Variants in PABPC3 observed in about 807,000 individuals in gnomAD.
PABPC3 encodes the protein polyadenylate-binding protein 3.
A neutral mutation model predicts 43.0 loss-of-function variants in PABPC3; 43 were observed. That is an observed-to-expected ratio of 1.00 (90% CI 0.78 to 1.29). PABPC3 has a LOEUF of 1.29. Among genes scored for constraint, PABPC3 ranks in the 50% most tolerant of loss-of-function variants. The pLI, the probability that PABPC3 is intolerant of heterozygous loss-of-function variation, is 0.00. For synonymous variants in PABPC3, 221 were observed against 274.6 expected (o/e 0.80, Z 1.93); for missense variants, 784 against 798.1 (o/e 0.98, Z 0.21).
At chr13:25,097,603 C>T in the PABPC3 span, 5 of 1,614,120 alleles carry the variant, frequency 3.1e-6, no homozygotes, top group African/African-American at 4.0e-5. Context: ...ACAGGTTCCA[C>T]GAGTCATGTC....
chr13:25,096,663 T>G lies in PABPC3; in HGVS notation c.465T>G (p.Ile155Met). ...CACACGAAGCAGCTGAAAGAGCTAT[T>G]AAAAAAATGAACGGAATGCTCCTAA... ...FETHEAAERA[I>M]KKMNGMLLNG... The change falls in exon 1 of 1, where the codon ATT becomes ATG. Residue 155 changes from isoleucine to methionine, a missense_variant. By Grantham distance (10) the Ile-to-Met change is conservative. Transcript: ENST00000281589. The G allele has an allele frequency of 6.6e-7, 1 of 1,505,808 alleles. No homozygotes were observed. The highest frequency in any genetic ancestry group is 8.9e-7 in the Non-Finnish European group (1 of 1,124,886). 93.3% of individuals were successfully genotyped at this position (1,505,808 alleles called of 1,614,324 possible). A position where few individuals can be genotyped will look rare whatever the true frequency, so the allele number is the denominator to read the frequency against.
chr13:25,097,960 C>G lies in PABPC3; in HGVS notation c.1762C>G (p.Leu588Val), dbSNP rs796976514. 623 of 1,444,800 alleles carry G rather than the reference C, an allele frequency of 4.3e-4. No homozygotes were observed. Among genetic ancestry groups the G allele is most frequent in the African/African-American group, 3.5e-3 (172 of 48,824 alleles). 89.5% of individuals were successfully genotyped at this position (1,444,800 alleles called of 1,614,324 possible). A position where few individuals can be genotyped will look rare whatever the true frequency, so the allele number is the denominator to read the frequency against. The change falls in exon 1 of 1, where the codon CTT becomes GTT. Residue 588 changes from leucine (L) to valine (V), a missense_variant. Leu to Val is a conservative substitution (Grantham distance 32). Coordinates refer to ENST00000281589, the MANE Select transcript of PABPC3 (RefSeq NM_030979.3). ...GTTGTTGGAGATTGATAATTCAGAA[C>G]TTCTTTATATGCTCGAGTCTCCAGA... The part of the protein sequence containing the change: ...GMLLEIDNSE[L>V]LYMLESPESL...
chr13:25,097,849 C>T, the PABPC3 span: 3 of 1,613,886 alleles, frequency 1.9e-6, no homozygotes, highest in Non-Finnish European at 2.5e-6. Context: ...TGCCCCTCCT[C>T]AAAAGCAAAA....
Position 25,096,606 on chromosome 13 carries a change from T to G in PABPC3, c.408T>G (p.Gly136=). Residue 136 remains glycine (G), a synonymous_variant, in exon 1 of 1, where the codon GGT becomes GGG. Coordinates refer to ENST00000281589, the MANE Select transcript of PABPC3 (RefSeq NM_030979.3). ...LSCNVVCDEN[G]SKGYGFVHFE... is the part of the protein sequence containing the mutation. ...GTAACGTGGTTTGTGATGAAAATGG[T>G]TCCAAGGGTTATGGATTTGTACACT... is the stretch of plus-strand genomic sequence containing the variant. 1 of 1,614,294 alleles carries G rather than the reference T, an allele frequency of 6.2e-7. No homozygotes were observed. The highest frequency in any genetic ancestry group is 1.1e-5 in the South Asian group (1 of 91,088).
chr13:25,096,139 C>A lies in PABPC3; in HGVS notation c.-60C>A. Reference sequence around the variant, plus strand: ...CGGCTACGCCCCCGGCCCCGGCACGCGCTCTACTCCTGTAACGGAAAGGTC... The same window carrying A: ...CGGCTACGCCCCCGGCCCCGGCACGAGCTCTACTCCTGTAACGGAAAGGTC... On this transcript the variant is annotated 5_prime_UTR_variant, in exon 1 of 1. Transcript: ENST00000281589. 3 of 1,520,154 alleles carry A rather than the reference C, an allele frequency of 2.0e-6. No homozygotes were observed. Among genetic ancestry groups the A allele is most frequent in the East Asian group, 2.3e-5 (1 of 44,102 alleles). 94.2% of individuals were successfully genotyped at this position (1,520,154 alleles called of 1,614,324 possible). A position where few individuals can be genotyped will look rare whatever the true frequency, so the allele number is the denominator to read the frequency against.
In PABPC3 at chr13:25,096,874, G is replaced by C. The variant is rs748967699; in HGVS notation, c.676G>C (p.Glu226Gln). 8 of 1,614,166 alleles carry C rather than the reference G, an allele frequency of 5.0e-6. No individual in the cohort carries two copies. The African/African-American group carries it at 1.1e-4, about 22-fold the overall frequency. Residue 226 changes from glutamate (E) to glutamine (Q), a missense_variant, in exon 1 of 1, where the codon GAA becomes CAA. Physicochemically the swap from Glu to Gln is conservative, Grantham distance 29. Coordinates refer to ENST00000281589, the MANE Select transcript of PABPC3 (RefSeq NM_030979.3). The stretch of plus-strand genomic sequence containing the variant: ...CTTAAGTGTGAAAGTAATGACCGAT[G>C]AAAGTGGAAAATCCAAAGGATTTGG... The part of the protein sequence containing the change: ...PALSVKVMTD[E>Q]SGKSKGFGFV...
At position 25,097,976 on chromosome 13, in the gene PABPC3, A is replaced by T. The variant is rs1956056169; in HGVS notation, c.1778A>T (p.Glu593Val). 2 of 1,613,988 alleles carry T rather than the reference A, an allele frequency of 1.2e-6. No homozygotes were observed. Among genetic ancestry groups the T allele is most frequent in the Non-Finnish European group, 1.7e-6 (2 of 1,179,864 alleles). ...IDNSELLYML[E>V]SPESLRSKVD... is the part of the protein sequence containing the mutation. ...AATTCAGAACTTCTTTATATGCTCG[A>T]GTCTCCAGAGTCACTCCGTTCTAAG... Residue 593 changes from glutamate (E) to valine (V), a missense_variant, in exon 1 of 1, where the codon GAG becomes GTG. By Grantham distance (121) the Glu-to-Val change is moderately radical. Transcript: ENST00000281589.
At position 25,097,061 on chromosome 13, in the gene PABPC3, T is replaced by C. The variant is rs749493712; in HGVS notation, c.863T>C (p.Ile288Thr). The change falls in exon 1 of 1, where the codon ATC (isoleucine) becomes ACC (threonine). Residue 288 changes from isoleucine to threonine, a missense_variant. Transcript: ENST00000281589. ...RTFEQMKQDR[I>T]TRYQVVNLYV... ...TTTGAACAGATGAAGCAAGATAGGATCACCAGATACCAGGTTGTTAATCTT... is the reference window on the plus strand; with the variant it reads ...TTTGAACAGATGAAGCAAGATAGGACCACCAGATACCAGGTTGTTAATCTT... 4 of 1,614,262 alleles carry C rather than the reference T, an allele frequency of 2.5e-6. No homozygotes were observed. The highest frequency in any genetic ancestry group is 1.1e-5 in the South Asian group (1 of 91,088).
chr13:25,098,458 T>C lies in PABPC3; in HGVS notation c.*364T>C, dbSNP rs1249376906. 1.5e-5 allele frequency: 3 copies of C among 204,104 alleles called. No individual in the cohort carries two copies. Among genetic ancestry groups the C allele is most frequent in the Non-Finnish European group, 3.2e-5 (3 of 92,574 alleles). 12.6% of individuals were successfully genotyped at this position (204,104 alleles called of 1,614,324 possible). A position where few individuals can be genotyped will look rare whatever the true frequency, so the allele number is the denominator to read the frequency against. On this transcript the variant is annotated 3_prime_UTR_variant, in exon 1 of 1. Transcript: ENST00000281589. ...AATTTTTTAATTCTTTACTGTGGAA[T>C]AGCTCAAAATGTCCATTCTGTTTTA...
In PABPC3 at chr13:25,097,398, A is replaced by T. The variant is rs746619686; in HGVS notation, c.1200A>T (p.Ser400=). 6 of 1,614,132 alleles carry T rather than the reference A, an allele frequency of 3.7e-6. No individual in the cohort carries two copies. The highest frequency in any genetic ancestry group is 5.1e-6 in the Non-Finnish European group (6 of 1,180,028). Residue 400 remains serine (S), a synonymous_variant, in exon 1 of 1, where the codon TCA becomes TCT. Coordinates refer to ENST00000281589, the MANE Select transcript of PABPC3 (RefSeq NM_030979.3). ...TGCCCAACCAGCGAGCACCTCCTTCAGGTTACTTCATGACAGCTGTCCCAC... is the reference window on the plus strand; with the variant it reads ...TGCCCAACCAGCGAGCACCTCCTTCTGGTTACTTCATGACAGCTGTCCCAC... The part of the protein sequence containing the change: ...RAVPNQRAPP[S]GYFMTAVPQT...
rs779707262 is a variant in PABPC3, at chr13:25,097,989, A to T, written c.1791A>T (p.Ser597=). The change falls in exon 1 of 1, where the codon TCA becomes TCT. Residue 597 remains serine (S), a synonymous_variant. Transcript: ENST00000281589. ...ELLYMLESPE[S]LRSKVDEAVA... is the part of the protein sequence containing the mutation. ...TTTATATGCTCGAGTCTCCAGAGTC[A>T]CTCCGTTCTAAGGTTGATGAAGCTG... 6.8e-6 allele frequency: 11 copies of T among 1,613,864 alleles called. No individual in the cohort carries two copies. Among genetic ancestry groups the T allele is most frequent in the African/African-American group, 1.3e-5 (1 of 74,922 alleles).
Position 25,096,400 on chromosome 13 carries a change from G to T in PABPC3, c.202G>T (p.Ala68Ser), listed in dbSNP as rs1415474806. 9 of 1,614,108 alleles carry T rather than the reference G, an allele frequency of 5.6e-6. No homozygotes were observed. Among genetic ancestry groups the T allele is most frequent in the Non-Finnish European group, 2.5e-6 (3 of 1,180,058 alleles). ...CCAGCATACGAAGGACGCGGAGCAT[G>T]CTCTGGACACCATGAATTTTGATGT... ...NFQHTKDAEH[A>S]LDTMNFDVIK... The change falls in exon 1 of 1, where the codon GCT becomes TCT. Residue 68 changes from alanine (A) to serine (S), a missense_variant. Coordinates refer to ENST00000281589, the MANE Select transcript of PABPC3 (RefSeq NM_030979.3).
At position 25,096,493 on chromosome 13, in the gene PABPC3, G is replaced by A. The variant is rs1352447292; in HGVS notation, c.295G>A (p.Gly99Ser). ...TCCATCACTTCGAAAAAGTGGAGTG[G>A]GCAACATATTCGTTAAAAATCTGGA... ...RDPSLRKSGV[G>S]NIFVKNLDKS... Residue 99 changes from glycine to serine, a missense_variant, in exon 1 of 1, where the codon GGC (glycine) becomes AGC (serine). Transcript: ENST00000281589. 3 of 1,614,042 alleles carry A rather than the reference G, an allele frequency of 1.9e-6. No homozygotes were observed. In the African/African-American group the frequency reaches 4.0e-5, roughly 22 times the overall value.
rs1231306936 is a variant in PABPC3, at chr13:25,097,977, G to T, written c.1779G>T (p.Glu593Asp). 4.3e-6 allele frequency: 7 copies of T among 1,613,838 alleles called. No individual in the cohort carries two copies. Among genetic ancestry groups the T allele is most frequent in the Non-Finnish European group, 5.9e-6 (7 of 1,179,868 alleles). ...ATTCAGAACTTCTTTATATGCTCGA[G>T]TCTCCAGAGTCACTCCGTTCTAAGG... Reference protein sequence around the residue: ...IDNSELLYMLESPESLRSKVD... With the variant: ...IDNSELLYMLDSPESLRSKVD... Residue 593 changes from glutamate to aspartate, a missense_variant, in exon 1 of 1, where the codon GAG (glutamate) becomes GAT (aspartate). By Grantham distance (45) the Glu-to-Asp change is conservative. Transcript: ENST00000281589.
Position 25,097,162 on chromosome 13 carries a change from A to T in PABPC3, c.964A>T (p.Ser322Cys), listed in dbSNP as rs763743751. ...GTTTTCTCCATTTGGTACAATCACT[A>T]GTGCAAAGGTTATGATGGAAGGTGG... is the stretch of plus-strand genomic sequence containing the variant. ...KAFSPFGTIT[S>C]AKVMMEGGRS... The change falls in exon 1 of 1, where the codon AGT (serine) becomes TGT (cysteine). Residue 322 changes from serine to cysteine, a missense_variant. Coordinates refer to ENST00000281589, the MANE Select transcript of PABPC3 (RefSeq NM_030979.3). 3.1e-6 allele frequency: 5 copies of T among 1,614,296 alleles called. No individual in the cohort carries two copies. The highest frequency in any genetic ancestry group is 4.2e-6 in the Non-Finnish European group (5 of 1,180,054).
In PABPC3 at chr13:25,098,408, G is replaced by A. The variant is rs1184709340; in HGVS notation, c.*314G>A. On this transcript the variant is annotated 3_prime_UTR_variant, in exon 1 of 1. Coordinates refer to ENST00000281589, the MANE Select transcript of PABPC3 (RefSeq NM_030979.3). ...CCCTGGGAAAAGAATTTTCAGCAAAGTACAAAAATTTAAAGCATTCCTTTA... is the reference window on the plus strand; with the variant it reads ...CCCTGGGAAAAGAATTTTCAGCAAAATACAAAAATTTAAAGCATTCCTTTA... 4 of 255,252 alleles carry A rather than the reference G, an allele frequency of 1.6e-5. No individual in the cohort carries two copies. Among genetic ancestry groups the A allele is most frequent in the African/African-American group, 4.6e-5 (2 of 43,194 alleles). 15.8% of individuals were successfully genotyped at this position (255,252 alleles called of 1,614,324 possible). A position where few individuals can be genotyped will look rare whatever the true frequency, so the allele number is the denominator to read the frequency against.
chr13:25,096,684 C>T lies in PABPC3; in HGVS notation c.486C>T (p.Leu162=), dbSNP rs1340290021. 1 of 1,614,258 alleles carries T rather than the reference C, an allele frequency of 6.2e-7. No individual in the cohort carries two copies. The highest frequency in any genetic ancestry group is 1.7e-5 in the Admixed American group (1 of 60,024). ...CTATTAAAAAAATGAACGGAATGCT[C>T]CTAAATGGTCGCAAAGTATTTGTTG... ...ERAIKKMNGM[L]LNGRKVFVGQ... Residue 162 remains leucine (L), a synonymous_variant, in exon 1 of 1, where the codon CTC becomes CTT. Coordinates refer to ENST00000281589, the MANE Select transcript of PABPC3 (RefSeq NM_030979.3).
chr13:25,096,642 C>T lies in PABPC3; in HGVS notation c.444C>T (p.His148=). ...KGYGFVHFET[H]EAAERAIKKM... is the part of the protein sequence containing the mutation. Reference sequence around the variant, plus strand: ...ATGGATTTGTACACTTTGAGACACACGAAGCAGCTGAAAGAGCTATTAAAA... The same window carrying T: ...ATGGATTTGTACACTTTGAGACACATGAAGCAGCTGAAAGAGCTATTAAAA... Residue 148 remains histidine, a synonymous_variant, in exon 1 of 1, where the codon CAC becomes CAT. Coordinates refer to ENST00000281589, the MANE Select transcript of PABPC3 (RefSeq NM_030979.3). The T allele has an allele frequency of 2.2e-6, 3 of 1,379,744 alleles. No individual in the cohort carries two copies. The highest frequency in any genetic ancestry group is 3.1e-5 in the East Asian group (1 of 32,092). 85.5% of individuals were successfully genotyped at this position (1,379,744 alleles called of 1,614,324 possible).
chr13:25,097,170 G>T lies in PABPC3; in HGVS notation c.972G>T (p.Lys324Asn). ...CATTTGGTACAATCACTAGTGCAAA[G>T]GTTATGATGGAAGGTGGTCGCAGCA... The part of the protein sequence containing the change: ...FSPFGTITSA[K>N]VMMEGGRSKG... Residue 324 changes from lysine (K) to asparagine (N), a missense_variant, in exon 1 of 1, where the codon AAG becomes AAT. Transcript: ENST00000281589. 1.2e-6 allele frequency: 2 copies of T among 1,614,252 alleles called. No individual in the cohort carries two copies. The highest frequency in any genetic ancestry group is 1.7e-6 in the Non-Finnish European group (2 of 1,180,050).
Sources: gnomAD v4.1 joint callset for allele counts on GRCh38, gnomAD v4.1.1 for gene constraint, MANE v1.5 for transcripts, NCBI Gene and HGNC (gene_info 2026-07-23, HGNC 2026-07-21) for gene names.